The following KLK5 variants were observed in gnomAD, a reference collection of about 807,000 sequenced individuals.
KLK5 encodes the protein kallikrein-5.
In KLK5, 18 loss-of-function variants were observed where a neutral mutation model predicts 24.0. The observed-to-expected ratio is 0.75, with a 90% CI of 0.52 to 1.11. The LOEUF (loss-of-function observed/expected upper bound fraction) is 1.11, where lower values mean the gene tolerates loss of function less well. Ranked by LOEUF, KLK5 falls within the 50% of genes most tolerant of loss-of-function variation. The pLI is 0.00. For synonymous variants in KLK5, 140 were observed against 154.0 expected, an observed-to-expected ratio of 0.91 and a Z score of 0.67; for missense variants, 374 against 379.2, an observed-to-expected ratio of 0.99 and a Z score of 0.11.
Position 50,943,730 on chromosome 19 carries a change from C to T in KLK5, c.783G>A (p.Trp261Ter). 5.6e-6 allele frequency: 9 copies of T among 1,613,870 alleles called. No individual in the cohort carries two copies. The highest frequency in any genetic ancestry group is 7.6e-6 in the Non-Finnish European group (9 of 1,179,914). The change falls in exon 6 of 6, where the codon TGG becomes TGA. Residue 261 changes from tryptophan to a stop codon, truncating the protein, a stop_gained. Coordinates refer to ENST00000336334, the MANE Select transcript of KLK5 (RefSeq NM_012427.5). LOFTEE classifies it low-confidence loss of function (END_TRUNC). ...TGGGCCGGGCACAAGGGTAATCTCC[C>T]CAGGACACGAGTCCCTGCAGGGAGC... ...CNGSLQGLVSWGDYPCARPNR... is the reference protein window; with the variant it reads ...CNGSLQGLVS
In KLK5 at chr19:50,943,577, C is replaced by T. The variant is rs532474224; in HGVS notation, c.*54G>A. 2 of 1,531,548 alleles carry T rather than the reference C, an allele frequency of 1.3e-6. No individual in the cohort carries two copies. Among genetic ancestry groups the T allele is most frequent in the Non-Finnish European group, 1.8e-6 (2 of 1,112,166 alleles). 94.9% of individuals were successfully genotyped at this position (1,531,548 alleles called of 1,614,324 possible). ...AGGAATGAGGGTCTGAAAGGAGTGT[C>T]AGGGCTGTCCCTGCAGCAGGTGGGG... On this transcript the variant is annotated 3_prime_UTR_variant, in exon 6 of 6. Coordinates refer to ENST00000336334, the MANE Select transcript of KLK5 (RefSeq NM_012427.5).
chr19:50,944,183 T>A (rs2090611893), intron 5 of KLK5, among the ~76,000 whole-genome samples: 1 of 152,064 alleles, frequency 6.6e-6, no homozygotes, highest in East Asian at 1.9e-4. Context: ...TTTTGTATTT[T>A]TTTTGTAGAG....
chr19:50,944,630 C>G (rs2090615279), intron 5 of KLK5, among the ~76,000 whole-genome samples: 1 of 152,230 alleles, frequency 6.6e-6, no homozygotes, highest in African/African-American at 2.4e-5. Context: ...GTTCCTCGAT[C>G]TGGGCACTGT....
chr19:50,946,030 A>T (rs1304320349), intron 5 of KLK5, among the ~76,000 whole-genome samples: 1 of 152,230 alleles, frequency 6.6e-6, no homozygotes, highest in Non-Finnish European at 1.5e-5. Flanking sequence ...ACTTACATGC[A>T]TGCAAAATAT....
chr19:50,952,705 C>A lies in KLK5; in HGVS notation c.-11-37G>T, dbSNP rs375064879. ...ATGTCAGAGGGTTGGGAGGCCCAGG[C>A]GATCCGGGGAGCCCTTAACCCACTT... On this transcript the variant is annotated intron_variant, in intron 1 of 5. Transcript: ENST00000336334. 284 of 1,478,164 alleles carry A rather than the reference C, an allele frequency of 1.9e-4. 1 individual carries two copies. The African/African-American group carries it at 3.6e-3, about 19-fold the overall frequency. The allele number at this position is 1,478,164 out of a possible 1,614,324, so 91.6% of individuals were successfully genotyped here.
In KLK5 at chr19:50,943,640, G is replaced by C. The variant is rs750881474; in HGVS notation, c.873C>G (p.Ala291=). 1 of 1,613,880 alleles carries C rather than the reference G, an allele frequency of 6.2e-7. No homozygotes were observed. Among genetic ancestry groups the C allele is most frequent in the African/African-American group, 1.3e-5 (1 of 75,020 alleles). Residue 291 remains alanine (A), a synonymous_variant, in exon 6 of 6, where the codon GCC becomes GCG. Coordinates refer to ENST00000336334, the MANE Select transcript of KLK5 (RefSeq NM_012427.5). The part of the protein sequence containing the change: ...FTKWIQETIQ[A]NS ...TGAGTCCTGGGATGACTCAGGAGTT[G>C]GCCTGGATGGTTTCCTGGATCCACT...
chr19:50,945,275 ATTTT>A (rs10586385), intron 5 of KLK5, among the ~76,000 whole-genome samples: 224 of 146,854 alleles, frequency 1.5e-3, no homozygotes, highest in East Asian at 3.5e-3. Flanking sequence ...CACCCGGCTA[ATTTT>A]TTTTTTTTTT....
rs182909752 is a variant in KLK5 at position 50,947,597 on chromosome 19, G to A, written c.726+1043C>T. Among the ~76,000 whole-genome samples, 9 of 152,136 alleles carry A rather than the reference G, an allele frequency of 5.9e-5. No individual in the cohort carries two copies. The highest frequency in any genetic ancestry group is 3.4e-3 in the Middle Eastern group (1 of 294). On this transcript the variant is annotated intron_variant, in intron 5 of 5. Coordinates refer to ENST00000336334, the MANE Select transcript of KLK5 (RefSeq NM_012427.5). This position sits in a 1 kb window ranked among gnomAD's most constrained non-coding sequence, Gnocchi z 8.7. Reference sequence around the variant, plus strand: ...TTTATTTTTTAACTTTGTTCCTCCAGCCCTTCCAGCAGCTTTGCAATTAAT... The same window carrying A: ...TTTATTTTTTAACTTTGTTCCTCCAACCCTTCCAGCAGCTTTGCAATTAAT...
intron 5 of KLK5, among the ~76,000 whole-genome samples, chr19:50,946,601 C>T (rs1450075390): frequency 6.6e-6 from 1 of 151,840 alleles, no homozygotes; most frequent in East Asian, 1.9e-4. Context: ...ACTGTGTTGC[C>T]CAGGCTGGAG....
chr19:50,950,042 G>C lies in KLK5; in HGVS notation c.148C>G (p.Leu50Val). The change falls in exon 3 of 6, where the codon CTG (leucine) becomes GTG (valine). Residue 50 changes from leucine (L) to valine (V), a missense_variant. Leu to Val is a conservative substitution (Grantham distance 32). Transcript: ENST00000336334. ...GCGTCTTCCCCGGCCCCAGCTCCCAGGTCCTGGTTGCTCCCAGAGGGCACG... is the reference window on the plus strand; with the variant it reads ...GCGTCTTCCCCGGCCCCAGCTCCCACGTCCTGGTTGCTCCCAGAGGGCACG... ...NTVPSGSNQD[L>V]GAGAGEDARS... 6.2e-7 allele frequency: 1 copy of C among 1,613,754 alleles called. No individual in the cohort carries two copies. Among genetic ancestry groups the C allele is most frequent in the Non-Finnish European group, 8.5e-7 (1 of 1,179,936 alleles).
chr19:50,949,719 CA>C lies in KLK5; in HGVS notation c.335+135del, dbSNP rs1309303905. 124 of 548,696 alleles carry C rather than the reference CA, an allele frequency of 2.3e-4. 24 individuals carry two copies. Among genetic ancestry groups the C allele is most frequent in the Middle Eastern group, 6.4e-4 (1 of 1,574 alleles). 34.0% of individuals were successfully genotyped at this position (548,696 alleles called of 1,614,324 possible). Reference sequence around the variant, plus strand: ...TCCCCAACCCATCCCCACCAACCCTCACCTTCCATGACACCCCCAACCCCAC... The same window carrying C: ...TCCCCAACCCATCCCCACCAACCCTCCCTTCCATGACACCCCCAACCCCAC... On this transcript the variant is annotated intron_variant, in intron 3 of 5. Coordinates refer to ENST00000336334, the MANE Select transcript of KLK5 (RefSeq NM_012427.5).
At chr19:50,949,215 C>T in intron 3 of KLK5, 100 bp from the exon 4 acceptor site, 2 of 1,213,276 alleles carry the variant, frequency 1.6e-6, no homozygotes, top group Non-Finnish European at 1.1e-6. Context: ...CCCCCATCCC[C>T]ACCCCCGGTC....
chr19:50,945,631 GAA>G (rs57848074), intron 5 of KLK5, among the ~76,000 whole-genome samples: 1 of 144,108 alleles, frequency 6.9e-6, no homozygotes, highest in Non-Finnish European at 1.5e-5. Context: ...CATCTCTACG[GAA>G]AAAAAAAAAT....
rs918404980 is a variant in KLK5 at position 50,952,995 on chromosome 19, G to A, written c.-260C>T. On this transcript the variant is annotated 5_prime_UTR_variant, in exon 1 of 6. Transcript: ENST00000336334. ...TGGGGGATTTGCTCCCAGCTCAGCC[G>A]CAGACTTCTCAGGCCTGTGCCTTCC... 2.3e-5 allele frequency: 5 copies of A among 217,382 alleles called. No homozygotes were observed. Among genetic ancestry groups the A allele is most frequent in the East Asian group, 1.0e-4 (1 of 9,988 alleles). 13.5% of individuals were successfully genotyped at this position (217,382 alleles called of 1,614,324 possible).
intron 5 of KLK5, among the ~76,000 whole-genome samples, chr19:50,948,421 C>G (rs1045429852): frequency 2.0e-5 from 3 of 152,122 alleles, no homozygotes; most frequent in Non-Finnish European, 4.4e-5. Flanking sequence ...CTGCGCCCAG[C>G]CTTTTTTACC....
rs1480968140 is a variant in KLK5 at position 50,947,748 on chromosome 19, C to T, written c.726+892G>A. ...GATTTTGTTGAAACAAGACACTTAACTACCACACGCCTGAAAACTGCCAAA... is the reference window on the plus strand; with the variant it reads ...GATTTTGTTGAAACAAGACACTTAATTACCACACGCCTGAAAACTGCCAAA... On this transcript the variant is annotated intron_variant, in intron 5 of 5. Coordinates refer to ENST00000336334, the MANE Select transcript of KLK5 (RefSeq NM_012427.5). The surrounding 1 kb of genome is among the most constrained non-coding windows in gnomAD (Gnocchi z 8.7). Among the ~76,000 whole-genome samples, 1 of 152,208 alleles carries T rather than the reference C, an allele frequency of 6.6e-6. No individual in the cohort carries two copies.
chr19:50,950,148 AGAG>A, intron 2 of KLK5, 32 bp from the exon 3 acceptor site: 1 of 1,433,738 alleles, frequency 7.0e-7, no homozygotes. Flanking sequence ...GGCGGGGCTC[AGAG>A]GCGGGGCTTG....
rs894112500 is a variant in KLK5, at chr19:50,943,581, G to C, written c.*50C>G. On this transcript the variant is annotated 3_prime_UTR_variant, in exon 6 of 6. Coordinates refer to ENST00000336334, the MANE Select transcript of KLK5 (RefSeq NM_012427.5). The stretch of plus-strand genomic sequence containing the variant: ...ATGAGGGTCTGAAAGGAGTGTCAGG[G>C]CTGTCCCTGCAGCAGGTGGGGATGC... 2 of 1,548,416 alleles carry C rather than the reference G, an allele frequency of 1.3e-6. No individual in the cohort carries two copies. Among genetic ancestry groups the C allele is most frequent in the African/African-American group, 1.4e-5 (1 of 73,678 alleles).
At chr19:50,944,082 C>A (rs972097121) in intron 5 of KLK5, among the ~76,000 whole-genome samples, 2 of 151,944 alleles carry the variant, frequency 1.3e-5, no homozygotes, top group African/African-American at 4.8e-5. Flanking sequence ...CAGCTCACTG[C>A]AGCCTCCATC....
Sources: allele counts gnomAD v4.1 joint callset (sites outside exome capture counted in the v4.1 genomes callset), GRCh38; gene constraint gnomAD v4.1.1; non-coding constraint Gnocchi (gnomAD v3.1); transcripts MANE v1.5; gene names NCBI Gene and HGNC (gene_info 2026-07-23, HGNC 2026-07-21).